Variants in HMCN1 observed in about 807,000 individuals in gnomAD.
HMCN1 encodes the protein hemicentin-1.
A neutral mutation model predicts 625.9 loss-of-function variants in HMCN1; 321 were observed. That is an observed-to-expected ratio of 0.51 (90% confidence interval 0.47 to 0.56). The LOEUF (loss-of-function observed/expected upper bound fraction) is 0.56. Ranked by LOEUF, HMCN1 falls within the 20% of genes least tolerant of loss-of-function variation. HMCN1 has a pLI of 0.00. For missense variants in HMCN1, 6,588 were observed against 6,887.3 expected (o/e 0.96, Z 1.54); for synonymous variants, 2,425 against 2,417.6 (o/e 1.00, Z -0.09).
In HMCN1 at chr1:186,054,037, C is replaced by T. The variant is rs1222839753; in HGVS notation, c.6862+51C>T. The T allele has an allele frequency of 2.0e-6, 3 of 1,531,718 alleles. No individual in the cohort carries two copies. The East Asian group carries it at 6.8e-5, about 35-fold the overall frequency. 94.9% of individuals were successfully genotyped at this position (1,531,718 alleles called of 1,614,324 possible). On this transcript the variant is annotated intron_variant, in intron 44 of 106. Transcript: ENST00000271588. ...GGCAAAATGTTCTCTTAAATCTTTT[C>T]ATCCTTCTCATTTACTTTTAAAAAT...
chr1:186,153,381 T>C (rs1024655507), intron 96 of HMCN1, among the ~76,000 whole-genome samples: 1 of 152,148 alleles, frequency 6.6e-6, no homozygotes, highest in African/African-American at 2.4e-5. Context: ...CCCCTATACA[T>C]TTTCTCATGA....
At chr1:186,013,545 C>T (rs984789612) in intron 30 of HMCN1, among the ~76,000 whole-genome samples, 15 of 152,092 alleles carry the variant, frequency 9.9e-5, no homozygotes, top group Non-Finnish European at 1.5e-4. Flanking sequence ...ACTCAGCATC[C>T]AGATCTTGTT....
chr1:186,181,480 C>T (rs1308401448), intron 104 of HMCN1, among the ~76,000 whole-genome samples: 1 of 152,032 alleles, frequency 6.6e-6, no homozygotes, highest in African/African-American at 2.4e-5. Flanking sequence ...AACCTTTCAA[C>T]AAAACTGTGA....
At chr1:186,005,232 AT>A (rs999163879) in intron 29 of HMCN1, among the ~76,000 whole-genome samples, 1 of 126,692 alleles carries the variant, frequency 7.9e-6, no homozygotes, top group African/African-American at 2.9e-5. Flanking sequence ...CAATTTTTTA[AT>A]TGTTTATAAA....
At chr1:185,966,146 A>G (rs766406066) in intron 14 of HMCN1, among the ~76,000 whole-genome samples, 1 of 152,146 alleles carries the variant, frequency 6.6e-6, no homozygotes, top group Non-Finnish European at 1.5e-5. Flanking sequence ...CGCCTTTGCT[A>G]ATCCAGCTGA....
At chr1:186,116,732 G>A (rs1661153174) in intron 75 of HMCN1, among the ~76,000 whole-genome samples, 1 of 152,180 alleles carries the variant, frequency 6.6e-6, no homozygotes, top group South Asian at 2.1e-4. Context: ...AGCATTTAGA[G>A]AATGTAAGAT....
chr1:185,951,779 A>G (rs565926274), intron 11 of HMCN1, among the ~76,000 whole-genome samples: 2 of 151,810 alleles, frequency 1.3e-5, no homozygotes, highest in Admixed American at 1.3e-4. Flanking sequence ...CTGGGGGAGG[A>G]GGTTCTGGAG....
intron 1 of HMCN1, among the ~76,000 whole-genome samples, chr1:185,769,979 C>T (rs1656128648): frequency 6.6e-6 from 1 of 152,168 alleles, no homozygotes; most frequent in African/African-American, 2.4e-5. Context: ...AAACAAGTAA[C>T]ATGACCAGTC....
intron 105 of HMCN1, among the ~76,000 whole-genome samples, chr1:186,187,642 G>T (rs1250451203): frequency 6.6e-6 from 1 of 152,074 alleles, no homozygotes; most frequent in East Asian, 1.9e-4. Flanking sequence ...CACTTTTATA[G>T]CTCTCATTTT....
At chr1:186,020,221 T>C (rs1307483577) in intron 35 of HMCN1, among the ~76,000 whole-genome samples, 2 of 148,378 alleles carry the variant, frequency 1.3e-5, no homozygotes, top group Non-Finnish European at 3.0e-5. Flanking sequence ...ACATATTTGT[T>C]AAATTAGTAG....
At chr1:186,007,423 A>G (rs1265385211) in intron 30 of HMCN1, 141 bp downstream of exon 30, 2 of 749,912 alleles carry the variant, frequency 2.7e-6, no homozygotes, top group East Asian at 2.6e-5. Context: ...GCTTATCTTC[A>G]TGTGTTTTAA....
chr1:185,879,637 G>A lies in HMCN1; in HGVS notation c.621+13774G>A, dbSNP rs569808722. Among the ~76,000 whole-genome samples the A allele has an allele frequency of 3.3e-5, 5 of 152,300 alleles. No homozygotes were observed. In the East Asian group the frequency reaches 7.7e-4, roughly 23 times the overall value. On this transcript the variant is annotated intron_variant, in intron 4 of 106. Coordinates refer to ENST00000271588, the MANE Select transcript of HMCN1 (RefSeq NM_031935.3). ...TTCAATATTGAGCAAAAGTAGATTAGGGCAGGTTCTTATGGAGCAAAAGTG... is the reference window on the plus strand; with the variant it reads ...TTCAATATTGAGCAAAAGTAGATTAAGGCAGGTTCTTATGGAGCAAAAGTG...
At chr1:185,812,578 C>T (rs1383383569) in intron 1 of HMCN1, among the ~76,000 whole-genome samples, 1 of 152,044 alleles carries the variant, frequency 6.6e-6, no homozygotes, top group African/African-American at 2.4e-5. Flanking sequence ...GTACAAAGCC[C>T]ACCTCTTATG....
At chr1:186,188,160 T>C (rs1653473246) in intron 106 of HMCN1, 151 bp downstream of exon 106, 5 of 953,998 alleles carry the variant, frequency 5.2e-6, no homozygotes, top group African/African-American at 3.2e-5. Context: ...TTCTCTTCAA[T>C]GAATGGGCAA....
At chr1:185,796,099 G>A (rs1220672942) in intron 1 of HMCN1, among the ~76,000 whole-genome samples, 1 of 152,154 alleles carries the variant, frequency 6.6e-6, no homozygotes, top group Admixed American at 6.5e-5. Flanking sequence ...CCAGTGACTG[G>A]GTTTGTGGAA....
intron 1 of HMCN1, among the ~76,000 whole-genome samples, chr1:185,780,999 G>T (rs1657049061): frequency 6.6e-6 from 1 of 152,102 alleles, no homozygotes; most frequent in African/African-American, 2.4e-5. Context: ...TGGTTGATAG[G>T]CTATTAATTA....
At chr1:185,810,122 T>A (rs1006582407) in intron 1 of HMCN1, among the ~76,000 whole-genome samples, 11 of 152,264 alleles carry the variant, frequency 7.2e-5, no homozygotes, top group Admixed American at 5.9e-4. Flanking sequence ...AGAGTCAAAC[T>A]TTATTTAAGC....
chr1:186,022,181 G>T (rs1051437333), intron 35 of HMCN1, among the ~76,000 whole-genome samples: 2 of 152,100 alleles, frequency 1.3e-5, no homozygotes, highest in South Asian at 2.1e-4. Flanking sequence ...AGACAGTGAG[G>T]CTATCCTGTA....
chr1:185,794,936 A>C (rs1247592455), intron 1 of HMCN1, among the ~76,000 whole-genome samples: 2 of 152,200 alleles, frequency 1.3e-5, no homozygotes, highest in South Asian at 4.1e-4. Context: ...TTTAGATTAG[A>C]ACTTTAACTT....
Sources: gnomAD v4.1 joint callset for allele counts (sites outside exome capture counted in the v4.1 genomes callset) on GRCh38, gnomAD v4.1.1 for gene constraint, MANE v1.5 for transcripts, NCBI Gene and HGNC (gene_info 2026-07-23, HGNC 2026-07-21) for gene names.